Variants in UFD1 observed in about 807,000 individuals in gnomAD.
UFD1 encodes the protein ubiquitin recognition factor in ER associated degradation 1, also known as ubiquitin recognition factor in ER-associated degradation protein 1.
Under a neutral mutation model 45.9 loss-of-function variants are expected in UFD1, and 13 were observed. The ratio of observed to expected loss-of-function variants is 0.28; its 90% CI spans 0.18 to 0.45. UFD1 has a LOEUF of 0.45. UFD1 is among the 20% of genes least tolerant of loss of function. UFD1 has a pLI of 1.00. For missense variants in UFD1, 218 were observed against 389.2 expected (o/e 0.56, Z 3.70); for synonymous variants, 128 against 139.2 (o/e 0.92, Z 0.56).
chr22:19,456,753 T>C (rs1447814293), intron 8 of UFD1, 100 bp downstream of exon 8: 2 of 1,612,890 alleles, frequency 1.2e-6, no homozygotes, highest in Non-Finnish European at 8.5e-7. Flanking sequence ...GCAGAGGATA[T>C]GACTACACCA....
chr22:19,451,133 A>AG (rs2146283405), intron 11 of UFD1: 1 of 990,578 alleles, frequency 1.0e-6, no homozygotes, highest in Non-Finnish European at 1.2e-6. Context: ...AAAAAAAAAA[A>AG]AAAAAAAAAG....
intron 4 of UFD1, chr22:19,471,236 G>A (rs1244275250): frequency 5.8e-6 from 3 of 514,438 alleles, no homozygotes; most frequent in Non-Finnish European, 1.2e-5. Flanking sequence ...GGAAAAAGAC[G>A]TCACTCCCAT....
At position 19,453,943 on chromosome 22, in the gene UFD1, C is replaced by T. The variant is rs117128353; in HGVS notation, c.849+806G>A. On this transcript the variant is annotated intron_variant, in intron 11 of 11. Transcript: ENST00000263202. ...GAAGCGCTGGTGTTGTAGAAATCCT[C>T]ATCACAAAGAGGTGACTGCGTTCCA... 2,486 of 985,536 alleles carry T rather than the reference C, an allele frequency of 2.5e-3. 8 individuals are homozygous for T. Among genetic ancestry groups the T allele is most frequent in the Non-Finnish European group, 2.5e-3 (2,097 of 830,044 alleles). 61.0% of individuals were successfully genotyped at this position (985,536 alleles called of 1,614,324 possible).
At chr22:19,460,718 T>C in intron 6 of UFD1, among the ~76,000 whole-genome samples, 1 of 151,898 alleles carries the variant, frequency 6.6e-6, no homozygotes, top group Non-Finnish European at 1.5e-5. Context: ...CATTCACTTT[T>C]GATTCCTGCT....
At chr22:19,472,231 C>A (rs113111963) in intron 3 of UFD1, among the ~76,000 whole-genome samples, 17 of 152,070 alleles carry the variant, frequency 1.1e-4, no homozygotes, top group African/African-American at 4.1e-4. Context: ...TCCTAGAGGC[C>A]GAGTTCTTTA....
chr22:19,451,188 A>C (rs1208844282), intron 11 of UFD1: 13 of 986,550 alleles, frequency 1.3e-5, no homozygotes. Flanking sequence ...ACTTTTCTGT[A>C]CATGCTTAAA....
At chr22:19,471,654 C>T in intron 4 of UFD1, 33 bp downstream of exon 4, 1 of 1,606,790 alleles carries the variant, frequency 6.2e-7, no homozygotes, top group Non-Finnish European at 8.5e-7. Flanking sequence ...GCCTAAGTGG[C>T]TGCTCTCTAG....
Position 19,450,702 on chromosome 22 carries a change from G to A in UFD1, c.892C>T (p.Gln298Ter). The change falls in exon 12 of 12, where the codon CAG (glutamine) becomes TAG (stop). Residue 298 changes from glutamine (Q) to a stop codon, truncating the protein, a stop_gained. Coordinates refer to ENST00000263202, the MANE Select transcript of UFD1 (RefSeq NM_005659.7). LOFTEE classifies it high-confidence loss of function. Reference protein sequence around the residue: ...GRFVAFSGEGQSLRKKGRKP With the variant: ...GRFVAFSGEG ...TTTCTTCCCTTTTTACGCAATGACT[G>A]TCCTTCTCCAGAGAAAGCGACGAAT... 1 of 1,614,154 alleles carries A rather than the reference G, an allele frequency of 6.2e-7. No homozygotes were observed. The highest frequency in any genetic ancestry group is 8.5e-7 in the Non-Finnish European group (1 of 1,180,022).
chr22:19,457,704 G>A (rs1271362254), intron 7 of UFD1, among the ~76,000 whole-genome samples: 3 of 152,094 alleles, frequency 2.0e-5, no homozygotes, highest in Admixed American at 6.6e-5. Context: ...CCAGCTACTC[G>A]GGAGGCTGAG....
At chr22:19,462,564 C>T (rs1464385626) in intron 6 of UFD1, among the ~76,000 whole-genome samples, 1 of 151,994 alleles carries the variant, frequency 6.6e-6, no homozygotes, top group African/African-American at 2.4e-5. Context: ...ACTCAGGTGG[C>T]TGAGATGAGA....
At chr22:19,450,986 G>A in intron 11 of UFD1, 1 of 1,164,962 alleles carries the variant, frequency 8.6e-7, no homozygotes, top group South Asian at 1.8e-5. Context: ...AAATAGCTCA[G>A]TGTGGTATGT....
In UFD1 at chr22:19,455,665, C is replaced by T; in HGVS notation, c.767+15G>A. ...ATCCTCCTCCTGTCCTGGAGGAGAG[C>T]CAGGACAGACCTACCTTTTAATATC... On this transcript the variant is annotated intron_variant, in intron 10 of 11. Transcript: ENST00000263202. The T allele has an allele frequency of 3.1e-6, 5 of 1,612,740 alleles. No homozygotes were observed. The highest frequency in any genetic ancestry group is 4.2e-6 in the Non-Finnish European group (5 of 1,179,230).
At position 19,454,437 on chromosome 22, in the gene UFD1, G is replaced by C. The variant is rs1001733114; in HGVS notation, c.849+312C>G. 1.0e-5 allele frequency: 7 copies of C among 697,528 alleles called. No homozygotes were observed. The African/African-American group carries it at 1.4e-4, about 13-fold the overall frequency. 43.2% of individuals were successfully genotyped at this position (697,528 alleles called of 1,614,324 possible). A position where few individuals can be genotyped will look rare whatever the true frequency, so the allele number is the denominator to read the frequency against. On this transcript the variant is annotated intron_variant, in intron 11 of 11. Coordinates refer to ENST00000263202, the MANE Select transcript of UFD1 (RefSeq NM_005659.7). ...TCTTTTCCGTGCTGTTATCATGATAGTGAATAAGTCTCATGAGATCTGATG... is the reference window on the plus strand; with the variant it reads ...TCTTTTCCGTGCTGTTATCATGATACTGAATAAGTCTCATGAGATCTGATG...
chr22:19,458,289 A>G, intron 6 of UFD1, 150 bp from the exon 7 acceptor site: 1 of 787,370 alleles, frequency 1.3e-6, no homozygotes, highest in South Asian at 1.6e-5. Flanking sequence ...TGCTGTGACA[A>G]CACTGCCATA....
intron 7 of UFD1, 105 bp downstream of exon 7, chr22:19,457,966 T>C: frequency 8.8e-7 from 1 of 1,140,904 alleles, no homozygotes; most frequent in Non-Finnish European, 1.3e-6. Flanking sequence ...TTACCCAGAG[T>C]CCCAGGGGCT....
chr22:19,473,395 T>C (rs1416806649), intron 3 of UFD1, among the ~76,000 whole-genome samples: 5 of 152,086 alleles, frequency 3.3e-5, no homozygotes, highest in African/African-American at 1.2e-4. Context: ...ACAGAAAGAG[T>C]TTCTCCCATC....
intron 5 of UFD1, chr22:19,466,863 C>G (rs1037870717): frequency 6.6e-6 from 1 of 152,234 alleles, no homozygotes; most frequent in Non-Finnish European, 1.5e-5. Context: ...CATGTAAAAA[C>G]CCTGAGAAAA....
chr22:19,474,170 G>T (rs1601903146), intron 3 of UFD1, among the ~76,000 whole-genome samples: 2 of 152,272 alleles, frequency 1.3e-5, no homozygotes, highest in South Asian at 4.1e-4. Flanking sequence ...CAGGAGCCCA[G>T]CAAGAGGAGT....
At chr22:19,468,478 A>C (rs2146302327) in intron 4 of UFD1, among the ~76,000 whole-genome samples, 2 of 152,330 alleles carry the variant, frequency 1.3e-5, no homozygotes, top group South Asian at 4.1e-4. Context: ...GTCTCTGCTA[A>C]GGAGGTTATA....
Sources: gnomAD v4.1 joint callset for allele counts (sites outside exome capture counted in the v4.1 genomes callset) on GRCh38, gnomAD v4.1.1 for gene constraint, MANE v1.5 for transcripts, NCBI Gene and HGNC (gene_info 2026-07-23, HGNC 2026-07-21) for gene names.